The following BDP1 variants were observed in gnomAD, a reference collection of about 807,000 sequenced individuals.
BDP1 encodes the protein BDP1 general transcription factor IIIB subunit.
BDP1 carries 169 observed loss-of-function variants against 266.6 expected under a neutral mutation model. The ratio of observed to expected loss-of-function variants is 0.63; its 90% CI spans 0.56 to 0.72. The LOEUF (loss-of-function observed/expected upper bound fraction) is 0.72, where lower values mean the gene tolerates loss of function less well. BDP1 is among the 30% of genes least tolerant of loss of function. The probability of loss-of-function intolerance (pLI) is 0.00; values close to 1 mark genes in which losing one functional copy is unlikely to be tolerated. For missense variants in BDP1, 3,015 were observed against 3,053.8 expected (o/e 0.99, Z 0.30); for synonymous variants, 1,090 against 1,022.4 (o/e 1.07, Z -1.26).
chr5:71,568,978 T>C (rs1237358121), downstream of BDP1, among the ~76,000 whole-genome samples: 1 of 152,252 alleles, frequency 6.6e-6, no homozygotes, highest in African/African-American at 2.4e-5. Context: ...GTTGCATTTT[T>C]TTCATGGCAC....
intron 25 of BDP1, among the ~76,000 whole-genome samples, chr5:71,525,004 A>G (rs1484154066): frequency 6.6e-6 from 1 of 151,772 alleles, no homozygotes; most frequent in Admixed American, 6.6e-5. Flanking sequence ...CTTAGTACAG[A>G]ACAAAATGAA....
chr5:71,471,828 G>A (rs1762271458), intron 7 of BDP1, among the ~76,000 whole-genome samples: 1 of 152,136 alleles, frequency 6.6e-6, no homozygotes, highest in Non-Finnish European at 1.5e-5. Flanking sequence ...GGAACCATTA[G>A]GAAGGTATGT....
chr5:71,531,659 C>G (rs1429030442), intron 25 of BDP1, among the ~76,000 whole-genome samples: 2 of 152,222 alleles, frequency 1.3e-5, no homozygotes, highest in East Asian at 3.9e-4. Flanking sequence ...CAGGCAGGCA[C>G]CACCATGCCC....
At chr5:71,506,948 G>T (rs1399462188) in intron 16 of BDP1, among the ~76,000 whole-genome samples, 1 of 151,948 alleles carries the variant, frequency 6.6e-6, no homozygotes, top group Non-Finnish European at 1.5e-5. Flanking sequence ...AGCCTCCCAA[G>T]TAGCTGGGAC....
intron 25 of BDP1, among the ~76,000 whole-genome samples, chr5:71,529,916 T>G (rs1326402985): frequency 6.6e-6 from 1 of 151,750 alleles, no homozygotes; most frequent in African/African-American, 2.4e-5. Flanking sequence ...AAGAGAGGGG[T>G]TAAGGGAGAG....
rs1371077691 is a variant in BDP1 at position 71,566,542 on chromosome 5, T to C, written c.*1657T>C. ...TGAAAAGCCTCTTGGATTGATAGTA[T>C]AGTAGCTCAGGCATTGGAAACTTTC... is the stretch of plus-strand genomic sequence containing the variant. On this transcript the variant is annotated 3_prime_UTR_variant, in exon 39 of 39. Transcript: ENST00000358731. 6.6e-6 allele frequency: 1 copy of C among 152,170 alleles called. No homozygotes were observed. The highest frequency in any genetic ancestry group is 2.4e-5 in the African/African-American group (1 of 41,444). 9.4% of individuals were successfully genotyped at this position (152,170 alleles called of 1,614,324 possible).
chr5:71,552,258 G>A (rs1341485879), intron 34 of BDP1, among the ~76,000 whole-genome samples: 1 of 151,602 alleles, frequency 6.6e-6, no homozygotes, highest in African/African-American at 2.4e-5. Flanking sequence ...CATCTCAGAT[G>A]ATGGGCGGCC....
At chr5:71,564,665 T>A in intron 38 of BDP1, 89 bp from the exon 39 acceptor site, 2 of 1,155,058 alleles carry the variant, frequency 1.7e-6, no homozygotes, top group Non-Finnish European at 2.4e-6. Flanking sequence ...ACAGATCATA[T>A]TGGTTTAGAC....
chr5:71,530,685 A>G (rs1288423440), intron 25 of BDP1, among the ~76,000 whole-genome samples: 1 of 152,102 alleles, frequency 6.6e-6, no homozygotes, highest in Non-Finnish European at 1.5e-5. Context: ...TGCTCACTTG[A>G]ATTTTTTGGT....
the BDP1 span, among the ~76,000 whole-genome samples, chr5:71,575,818 G>T: frequency 6.6e-6 from 1 of 152,076 alleles, no homozygotes; most frequent in African/African-American, 2.4e-5. Context: ...AAGGAGCCTC[G>T]GAATATGTTT....
chr5:71,458,976 C>A, intron 2 of BDP1, 121 bp downstream of exon 2: 1 of 854,474 alleles, frequency 1.2e-6, no homozygotes, highest in Non-Finnish European at 1.8e-6. Context: ...ATCCCTTAGT[C>A]AATAGAACAT....
At chr5:71,480,547 G>C (rs1178607424) in intron 7 of BDP1, among the ~76,000 whole-genome samples, 1 of 144,366 alleles carries the variant, frequency 6.9e-6, no homozygotes, top group Non-Finnish European at 1.5e-5. Context: ...TGGGATTATA[G>C]GCGTGAGCCA....
At position 71,545,116 on chromosome 5, in the gene BDP1, C is replaced by T. The variant is rs755711065; in HGVS notation, c.6641C>T (p.Pro2214Leu). 1 of 1,613,606 alleles carries T rather than the reference C, an allele frequency of 6.2e-7. No individual in the cohort carries two copies. Among genetic ancestry groups the T allele is most frequent in the Admixed American group, 1.7e-5 (1 of 59,966 alleles). The change falls in exon 32 of 39, where the codon CCC becomes CTC. Residue 2214 changes from proline to leucine, a missense_variant. By Grantham distance (98) the Pro-to-Leu change is moderately conservative. Coordinates refer to ENST00000358731, the MANE Select transcript of BDP1 (RefSeq NM_018429.3). ...VAPVASSETG[P>L]CTLGLDRGLG... is the part of the protein sequence containing the mutation. ...CCAGTTGCTTCCTCTGAGACAGGGC[C>T]CTGCACACTTGGTTTGGATAGGGGT...
intron 23 of BDP1, 71 bp downstream of exon 23, chr5:71,522,561 GC>G: frequency 7.4e-7 from 1 of 1,357,284 alleles, no homozygotes; most frequent in Non-Finnish European, 1.0e-6. Context: ...ATCATGAAGA[GC>G]ATGAGTAAAA....
intron 32 of BDP1, among the ~76,000 whole-genome samples, chr5:71,547,391 T>A (rs1044152745): frequency 3.3e-5 from 5 of 152,178 alleles, no homozygotes; most frequent in Non-Finnish European, 7.3e-5. Context: ...AAGATTACTA[T>A]ATAGGTAATA....
chr5:71,496,603 A>T (rs898624446), intron 12 of BDP1, among the ~76,000 whole-genome samples: 2 of 151,918 alleles, frequency 1.3e-5, no homozygotes, highest in African/African-American at 4.8e-5. Flanking sequence ...ACATCCAGAG[A>T]CGGAGTCTTG....
chr5:71,462,936 C>T (rs1048885878), intron 3 of BDP1, among the ~76,000 whole-genome samples: 2 of 151,910 alleles, frequency 1.3e-5, no homozygotes, highest in Non-Finnish European at 2.9e-5. Context: ...AGTTTGAGAC[C>T]AGCCTGGGCA....
intron 7 of BDP1, among the ~76,000 whole-genome samples, chr5:71,472,525 A>T (rs776892117): frequency 6.6e-6 from 1 of 152,204 alleles, no homozygotes; most frequent in Non-Finnish European, 1.5e-5. Flanking sequence ...CAAATATTGG[A>T]CTAATGTATT....
chr5:71,539,107 C>G, intron 27 of BDP1, 29 bp downstream of exon 27: 1 of 1,504,930 alleles, frequency 6.6e-7, no homozygotes, highest in Non-Finnish European at 9.2e-7. Flanking sequence ...ACTGCTAAGA[C>G]TACCTTGATT....
Sources: allele counts gnomAD v4.1 joint callset (sites outside exome capture counted in the v4.1 genomes callset), GRCh38; gene constraint gnomAD v4.1.1; transcripts MANE v1.5; gene names NCBI Gene and HGNC (gene_info 2026-07-23, HGNC 2026-07-21).